Variants in RBP2 observed in about 807,000 individuals in gnomAD.
The protein encoded by RBP2 is retinol binding protein 2.
RBP2 carries 17 observed loss-of-function variants against 17.0 expected under a neutral mutation model. The observed-to-expected ratio is 1.00, with a 90% CI of 0.68 to 1.50. The LOEUF is 1.50. Among genes scored for constraint, RBP2 ranks in the 40% most tolerant of loss-of-function variants. The pLI is 0.00. For synonymous variants in RBP2, 48 were observed against 57.1 expected (o/e 0.84, Z 0.72); for missense variants, 158 against 168.2 (o/e 0.94, Z 0.33).
chr3:139,476,367 A>G lies in RBP2; in HGVS notation c.73+20T>C, dbSNP rs372701327. ...ACTCCCAACAACAGCTACCCTCCCC[A>G]TCCCCAGTCTCCTCCTTACCCAGGG... On this transcript the variant is annotated intron_variant, in intron 1 of 3. Transcript: ENST00000232217. 1 of 1,609,006 alleles carries G rather than the reference A, an allele frequency of 6.2e-7. No individual in the cohort carries two copies. Among genetic ancestry groups the G allele is most frequent in the Non-Finnish European group, 8.5e-7 (1 of 1,175,888 alleles).
rs745515388 is a variant in RBP2, at chr3:139,462,266, A to G, written c.98T>C (p.Ile33Thr). The G allele has an allele frequency of 6.2e-6, 10 of 1,614,002 alleles. No individual in the cohort carries two copies. The African/African-American group carries it at 6.7e-5, about 11-fold the overall frequency. The change falls in exon 2 of 4, where the codon ATT becomes ACT. Residue 33 changes from isoleucine (I) to threonine (T), a missense_variant. Coordinates refer to ENST00000232217, the MANE Select transcript of RBP2 (RefSeq NM_004164.3). ...CTTCGTCTGAGTGAGACGTACTGCA[A>G]TCTTGCGGGTGGCAAAATCAATATC... is the stretch of plus-strand genomic sequence containing the variant. ...ALDIDFATRK[I>T]AVRLTQTKVI...
intron 1 of RBP2, among the ~76,000 whole-genome samples, chr3:139,468,281 T>G (rs1198774666): frequency 6.6e-6 from 1 of 152,154 alleles, no homozygotes; most frequent in African/African-American, 2.4e-5. Flanking sequence ...ACAAACGCAT[T>G]CTGTTGTCAT....
chr3:139,469,687 G>GTCTGTCTA (rs1432677359), intron 1 of RBP2, among the ~76,000 whole-genome samples: 8,320 of 132,750 alleles, frequency 0.063, 307 homozygotes, highest in Non-Finnish European at 0.083. Context: ...CTGTCTGTCT[G>GTCTGTCTA]TCTATCTATC....
intron 2 of RBP2, among the ~76,000 whole-genome samples, chr3:139,456,507 C>T (rs1292404922): frequency 1.3e-5 from 2 of 152,154 alleles, no homozygotes; most frequent in Non-Finnish European, 1.5e-5. Flanking sequence ...TGGTTCATCC[C>T]TGCTATGCAG....
chr3:139,456,819 G>A (rs772930475), intron 2 of RBP2, among the ~76,000 whole-genome samples: 2 of 152,034 alleles, frequency 1.3e-5, no homozygotes, highest in African/African-American at 2.4e-5. Context: ...GAAAAAAAAG[G>A]TCTCCTTTTC....
chr3:139,461,536 T>G lies in RBP2; in HGVS notation c.252+576A>C, dbSNP rs1933189631. On this transcript the variant is annotated intron_variant, in intron 2 of 3. Coordinates refer to ENST00000232217, the MANE Select transcript of RBP2 (RefSeq NM_004164.3). ...TAAATCTTGACTCCACTTAACCTAC[T>G]GATTTTTTTTTTTGTTTAATTTGGA... Among the ~76,000 whole-genome samples, 2 of 101,056 alleles carry G rather than the reference T, an allele frequency of 2.0e-5. 1 individual carries two copies. The highest frequency in any genetic ancestry group is 5.6e-4 in the South Asian group (2 of 3,584). The allele number at this position is 101,056 out of a possible 152,430, so 66.3% of individuals were successfully genotyped here. A position where few individuals can be genotyped will look rare whatever the true frequency, so the allele number is the denominator to read the frequency against.
At position 139,454,799 on chromosome 3, in the gene RBP2, A is replaced by G. The variant is rs1281373267; in HGVS notation, c.284T>C (p.Val95Ala). The change falls in exon 3 of 4, where the codon GTG becomes GCG. Residue 95 changes from valine (V) to alanine (A), a missense_variant. Coordinates refer to ENST00000232217, the MANE Select transcript of RBP2 (RefSeq NM_004164.3). ...ALVTWEGDVL[V>A]CVQKGEKENR... ...CTCCTTCTCCCCCTTTTGCACACAC[A>G]CAAGGACATCACCTTCCCAGGTGAC... is the stretch of plus-strand genomic sequence containing the variant. The G allele has an allele frequency of 1.2e-6, 2 of 1,614,060 alleles. No homozygotes were observed. Among genetic ancestry groups the G allele is most frequent in the East Asian group, 4.5e-5 (2 of 44,888 alleles).
intron 1 of RBP2, among the ~76,000 whole-genome samples, chr3:139,469,250 A>G (rs1933467745): frequency 6.6e-6 from 1 of 152,146 alleles, no homozygotes; most frequent in Non-Finnish European, 1.5e-5. Context: ...CCTTTTTTCC[A>G]TGCCACTTCC....
chr3:139,475,991 C>T (rs1933725792), intron 1 of RBP2, among the ~76,000 whole-genome samples: 1 of 152,170 alleles, frequency 6.6e-6, no homozygotes, highest in Non-Finnish European at 1.5e-5. Context: ...GATAAAAGAA[C>T]AATGCAGAGG....
At chr3:139,470,944 A>G (rs1031073758) in intron 1 of RBP2, among the ~76,000 whole-genome samples, 2 of 152,000 alleles carry the variant, frequency 1.3e-5, no homozygotes, top group African/African-American at 2.4e-5. Context: ...GTCCAGAATA[A>G]TACTAGTCAG....
At chr3:139,459,775 G>A (rs1361299766) in intron 2 of RBP2, among the ~76,000 whole-genome samples, 2 of 151,712 alleles carry the variant, frequency 1.3e-5, no homozygotes, top group African/African-American at 2.4e-5. Flanking sequence ...ATGGCCCATT[G>A]TTGGAGGCTG....
intron 1 of RBP2, among the ~76,000 whole-genome samples, chr3:139,469,579 A>C (rs987348846): frequency 1.3e-5 from 2 of 152,160 alleles, no homozygotes; most frequent in Non-Finnish European, 2.9e-5. Flanking sequence ...GACTTTGGCA[A>C]CGTGTATACC....
At chr3:139,468,998 T>A (rs543973933) in intron 1 of RBP2, among the ~76,000 whole-genome samples, 9 of 152,210 alleles carry the variant, frequency 5.9e-5, no homozygotes, top group Non-Finnish European at 1.2e-4. Context: ...AGGTGAAATA[T>A]GAGTATGCTA....
chr3:139,471,600 G>T (rs974610813), intron 1 of RBP2, among the ~76,000 whole-genome samples: 3 of 152,128 alleles, frequency 2.0e-5, no homozygotes, highest in African/African-American at 7.2e-5. Flanking sequence ...TACAATTTAT[G>T]GAATGAAAAT....
chr3:139,476,416 T>A lies in RBP2; in HGVS notation c.44A>T (p.Glu15Val). ...GGCCTTCATGTAGCCCTCAAAGTTT[T>A]CATTACTCTCCATCTCCCAGGTTCC... is the stretch of plus-strand genomic sequence containing the variant. ...QNGTWEMESN[E>V]NFEGYMKALD... Residue 15 changes from glutamate (E) to valine (V), a missense_variant, in exon 1 of 4, where the codon GAA becomes GTA. Physicochemically the swap from Glu to Val is moderately radical, Grantham distance 121 (BLOSUM62 -2). Transcript: ENST00000232217. The A allele has an allele frequency of 6.2e-7, 1 of 1,613,932 alleles. No homozygotes were observed. Among genetic ancestry groups the A allele is most frequent in the Non-Finnish European group, 8.5e-7 (1 of 1,179,966 alleles).
chr3:139,454,685 G>A, intron 3 of RBP2, 44 bp downstream of exon 3: 1 of 1,581,390 alleles, frequency 6.3e-7, no homozygotes, highest in Non-Finnish European at 8.7e-7. Flanking sequence ...ACAGTAGCGT[G>A]TGTAAGCACA....
intron 1 of RBP2, among the ~76,000 whole-genome samples, chr3:139,469,691 A>ATCTG (rs1244622145): frequency 0.026 from 1,852 of 71,424 alleles, 18 homozygotes; most frequent in Non-Finnish European, 0.044. Flanking sequence ...CTGTCTGTCT[A>ATCTG]TCTATCTATC....
At chr3:139,471,339 G>A (rs181464171) in intron 1 of RBP2, among the ~76,000 whole-genome samples, 14 of 152,336 alleles carry the variant, frequency 9.2e-5, no homozygotes, top group Non-Finnish European at 1.6e-4. Context: ...GTCAAGATGA[G>A]ATTTTGCACA....
intron 2 of RBP2, among the ~76,000 whole-genome samples, chr3:139,455,997 C>G (rs1056250674): frequency 2.6e-5 from 4 of 152,176 alleles, no homozygotes; most frequent in Non-Finnish European, 4.4e-5. Flanking sequence ...ATAATCTGTA[C>G]TACCCCTAGG....
Sources: allele counts gnomAD v4.1 joint callset (sites outside exome capture counted in the v4.1 genomes callset), GRCh38; gene constraint gnomAD v4.1.1; transcripts MANE v1.5; gene names NCBI Gene and HGNC (gene_info 2026-07-23, HGNC 2026-07-21).